The following PRRT3 variants were observed in gnomAD, a reference collection of about 807,000 sequenced individuals.
PRRT3 encodes proline rich transmembrane protein 3.
A neutral mutation model predicts 56.6 loss-of-function variants in PRRT3; 48 were observed. That is an observed-to-expected ratio of 0.85 (90% CI 0.67 to 1.08). The LOEUF is 1.08. Ranked by LOEUF, PRRT3 falls within the 50% of genes least tolerant of loss-of-function variation. PRRT3 has a pLI of 0.00. For synonymous variants in PRRT3, 641 were observed against 619.1 expected, an observed-to-expected ratio of 1.04 and a Z score of -0.52; for missense variants, 1,370 against 1,353.1, an observed-to-expected ratio of 1.01 and a Z score of -0.20.
intron 3 of PRRT3, 128 bp downstream of exon 3, chr3:9,948,629 TG>T: frequency 1.9e-6 from 2 of 1,058,336 alleles, no homozygotes; most frequent in Non-Finnish European, 2.8e-6. Flanking sequence ...AAGGAGGCCC[TG>T]GGCAACTCCT....
At position 9,946,327 on chromosome 3, in the gene PRRT3, T is replaced by G; in HGVS notation, c.2846A>C (p.Asp949Ala). The G allele has an allele frequency of 1.2e-6, 2 of 1,612,458 alleles. No homozygotes were observed. Among genetic ancestry groups the G allele is most frequent in the Non-Finnish European group, 1.7e-6 (2 of 1,179,710 alleles). The change falls in exon 4 of 4, where the codon GAT becomes GCT. Residue 949 changes from aspartate to alanine, a missense_variant. Transcript: ENST00000412055. This position sits in a 1 kb window ranked among gnomAD's most constrained non-coding sequence, Gnocchi z 4.1. ...QLLPAPTPAP[D>A]STAARQGDGQ... ...GTCCCCCTGCCGAGCGGCGGTAGAA[T>G]CAGGGGCTGGGGTCGGGGCAGGCAG...
chr3:9,949,700 T>G lies in PRRT3; in HGVS notation c.416A>C (p.Gln139Pro), dbSNP rs2085590980. The G allele has an allele frequency of 2.5e-6, 4 of 1,613,952 alleles. No homozygotes were observed. The highest frequency in any genetic ancestry group is 2.2e-5 in the East Asian group (1 of 44,882). Residue 139 changes from glutamine to proline, a missense_variant, in exon 2 of 4, where the codon CAA becomes CCA. Transcript: ENST00000412055. The surrounding 1 kb of genome is among the most constrained non-coding windows in gnomAD (Gnocchi z 4.5). ...CACTGGGTGGGGAGCCACTGCTTCT[T>G]GCTGCAGAAGCTCTTGTGAGTCCAG... ...GPLDSQELLQ[Q>P]EAVAPHPVGH...
Position 9,946,954 on chromosome 3 carries a change from G to A in PRRT3, c.2219C>T (p.Pro740Leu). Residue 740 changes from proline (P) to leucine (L), a missense_variant, in exon 4 of 4, where the codon CCC (proline) becomes CTC (leucine). By Grantham distance (98) the Pro-to-Leu change is moderately conservative (BLOSUM62 -3). Transcript: ENST00000412055. This position sits in a 1 kb window ranked among gnomAD's most constrained non-coding sequence, Gnocchi z 4.1. ...PERPNNCYAG[P>L]SNVGAGSLDI... ...CAAGCTGCCTGCACCAACGTTGCTG[G>A]GCCCTGCATAGCAGTTATTGGGTCG... The A allele has an allele frequency of 6.5e-7, 1 of 1,543,112 alleles. No homozygotes were observed. Among genetic ancestry groups the A allele is most frequent in the Non-Finnish European group, 8.7e-7 (1 of 1,149,372 alleles).
Position 9,949,111 on chromosome 3 carries a change from C to T in PRRT3, c.1005G>A (p.Pro335=), listed in dbSNP as rs777304061. 50 of 1,602,820 alleles carry T rather than the reference C, an allele frequency of 3.1e-5. No homozygotes were observed. The highest frequency in any genetic ancestry group is 1.9e-4 in the Middle Eastern group (1 of 5,294). The change falls in exon 2 of 4, where the codon CCG becomes CCA. Residue 335 remains proline, a synonymous_variant. Coordinates refer to ENST00000412055, the MANE Select transcript of PRRT3 (RefSeq NM_207351.5). This position sits in a 1 kb window ranked among gnomAD's most constrained non-coding sequence, Gnocchi z 4.5. ...DPPASEAPDR[P]SKPERAAMNG... The stretch of plus-strand genomic sequence containing the variant: ...CTCATTGATACCCACCTGGCTTAGA[C>T]GGCCGATCAGGAGCCTCTGAGGCGG...
Position 9,946,282 on chromosome 3 carries a change from G to T in PRRT3, c.2891C>A (p.Pro964Gln). 1.2e-6 allele frequency: 2 copies of T among 1,612,716 alleles called. No individual in the cohort carries two copies. Among genetic ancestry groups the T allele is most frequent in the Non-Finnish European group, 1.7e-6 (2 of 1,179,852 alleles). ...GCGGGATTCCCCAGGCTTGCCGCGCGGCTGGACCTCTCCCTGGCCGTCCCC... is the reference window on the plus strand; with the variant it reads ...GCGGGATTCCCCAGGCTTGCCGCGCTGCTGGACCTCTCCCTGGCCGTCCCC... Reference protein sequence around the residue: ...RQGDGQGEVQPRGKPGESRSA... With the variant: ...RQGDGQGEVQQRGKPGESRSA... Residue 964 changes from proline (P) to glutamine (Q), a missense_variant, in exon 4 of 4, where the codon CCG (proline) becomes CAG (glutamine). Transcript: ENST00000412055. The surrounding 1 kb of genome is among the most constrained non-coding windows in gnomAD (Gnocchi z 4.1).
rs1202713765 is a variant in PRRT3, at chr3:9,946,934, T to C, written c.2239A>G (p.Ser747Gly). The C allele has an allele frequency of 3.2e-6, 5 of 1,541,592 alleles. No individual in the cohort carries two copies. Among genetic ancestry groups the C allele is most frequent in the Non-Finnish European group, 4.4e-6 (5 of 1,148,976 alleles). The change falls in exon 4 of 4, where the codon AGC becomes GGC. Residue 747 changes from serine to glycine, a missense_variant. Coordinates refer to ENST00000412055, the MANE Select transcript of PRRT3 (RefSeq NM_207351.5). The surrounding 1 kb of genome is among the most constrained non-coding windows in gnomAD (Gnocchi z 4.1). The part of the protein sequence containing the change: ...YAGPSNVGAG[S>G]LDISKSLIRN... ...ATGAGGCTCTTGCTGATGTCCAAGC[T>C]GCCTGCACCAACGTTGCTGGGCCCT...
In PRRT3 at chr3:9,950,175, A is replaced by T. The variant is rs1044728524; in HGVS notation, c.-57-3T>A. Reference sequence around the variant, plus strand: ...CTTCCAGTCCTCACTGGATGAGCCTAAAAAAAAAACAGGGCATGGAATGAC... The same window carrying T: ...CTTCCAGTCCTCACTGGATGAGCCTTAAAAAAAAACAGGGCATGGAATGAC... On this transcript the variant is annotated splice_polypyrimidine_tract_variant and splice_region_variant and intron_variant, in intron 1 of 3. Coordinates refer to ENST00000412055, the MANE Select transcript of PRRT3 (RefSeq NM_207351.5). 4.1e-5 allele frequency: 43 copies of T among 1,041,104 alleles called. No individual in the cohort carries two copies. Among genetic ancestry groups the T allele is most frequent in the African/African-American group, 3.5e-5 (2 of 56,440 alleles). The allele number at this position is 1,041,104 out of a possible 1,614,324, so 64.5% of individuals were successfully genotyped here.
rs755258517 is a variant in PRRT3, at chr3:9,949,139, G to A, written c.977C>T (p.Pro326Leu). The change falls in exon 2 of 4, where the codon CCA becomes CTA. Residue 326 changes from proline (P) to leucine (L), a missense_variant. Transcript: ENST00000412055. This position sits in a 1 kb window ranked among gnomAD's most constrained non-coding sequence, Gnocchi z 4.5. The part of the protein sequence containing the change: ...KDSPGPQPTD[P>L]PASEAPDRPS... ...CCGATCAGGAGCCTCTGAGGCGGGT[G>A]GATCCGTGGGCTGGGGTCCTGGTGA... 2 of 1,611,118 alleles carry A rather than the reference G, an allele frequency of 1.2e-6. No individual in the cohort carries two copies. Among genetic ancestry groups the A allele is most frequent in the Non-Finnish European group, 1.7e-6 (2 of 1,179,132 alleles).
chr3:9,950,174 TAA>T lies in PRRT3; in HGVS notation c.-57-4_-57-3del, dbSNP rs377564516. ...CCTTCCAGTCCTCACTGGATGAGCC[TAA>T]AAAAAAAACAGGGCATGGAATGACA... On this transcript the variant is annotated splice_polypyrimidine_tract_variant and splice_region_variant and intron_variant, in intron 1 of 3. Transcript: ENST00000412055. 3 of 1,093,720 alleles carry T rather than the reference TAA, an allele frequency of 2.7e-6. No homozygotes were observed. The highest frequency in any genetic ancestry group is 3.5e-5 in the East Asian group (1 of 28,648). The allele number at this position is 1,093,720 out of a possible 1,614,324, so 67.8% of individuals were successfully genotyped here.
At position 9,946,528 on chromosome 3, in the gene PRRT3, C is replaced by CCGCGCA. The variant is rs567242286; in HGVS notation, c.2639_2644dup (p.Val880_Arg881dup). 2.2e-4 allele frequency: 321 copies of CCGCGCA among 1,477,808 alleles called. 2 individuals are homozygous for CCGCGCA. The East Asian group carries it at 5.9e-3, about 27-fold the overall frequency. The allele number at this position is 1,477,808 out of a possible 1,614,324, so 91.5% of individuals were successfully genotyped here. A position where few individuals can be genotyped will look rare whatever the true frequency, so the allele number is the denominator to read the frequency against. On this transcript the variant is annotated inframe_insertion, in exon 4 of 4. Transcript: ENST00000412055. This position sits in a 1 kb window ranked among gnomAD's most constrained non-coding sequence, Gnocchi z 4.1. ...TTCCACTACGTGCTGTGGGACCGGCCCGCGCACGCGCACGTCGCTGAGCGA... is the reference window on the plus strand; with the variant it reads ...TTCCACTACGTGCTGTGGGACCGGCCCGCGCACGCGCACGCGCACGTCGCTGAGCGA...
In PRRT3 at chr3:9,950,160, T is replaced by G; in HGVS notation, c.-45A>C. 7.5e-7 allele frequency: 1 copy of G among 1,337,116 alleles called. No individual in the cohort carries two copies. The highest frequency in any genetic ancestry group is 2.6e-5 in the South Asian group (1 of 38,866). The allele number at this position is 1,337,116 out of a possible 1,614,324, so 82.8% of individuals were successfully genotyped here. On this transcript the variant is annotated 5_prime_UTR_variant, in exon 2 of 4. Transcript: ENST00000412055. Reference sequence around the variant, plus strand: ...GCCTAAAGCCCCCACCTTCCAGTCCTCACTGGATGAGCCTAAAAAAAAAAC... The same window carrying G: ...GCCTAAAGCCCCCACCTTCCAGTCCGCACTGGATGAGCCTAAAAAAAAAAC...
Position 9,946,333 on chromosome 3 carries a change from G to A in PRRT3, c.2840C>T (p.Ala947Val). 5.0e-6 allele frequency: 8 copies of A among 1,612,416 alleles called. No homozygotes were observed. The highest frequency in any genetic ancestry group is 6.8e-6 in the Non-Finnish European group (8 of 1,179,682). Residue 947 changes from alanine to valine, a missense_variant, in exon 4 of 4, where the codon GCC (alanine) becomes GTC (valine). Ala to Val is a moderately conservative substitution (Grantham distance 64). Coordinates refer to ENST00000412055, the MANE Select transcript of PRRT3 (RefSeq NM_207351.5). This position sits in a 1 kb window ranked among gnomAD's most constrained non-coding sequence, Gnocchi z 4.1. ...CTGCCGAGCGGCGGTAGAATCAGGG[G>A]CTGGGGTCGGGGCAGGCAGTAGCTG... Reference protein sequence around the residue: ...TVQLLPAPTPAPDSTAARQGD... With the variant: ...TVQLLPAPTPVPDSTAARQGD...
chr3:9,949,437 CCT>C lies in PRRT3; in HGVS notation c.677_678del (p.Gln226ArgfsTer4), dbSNP rs1559344073. 1.2e-6 allele frequency: 2 copies of C among 1,614,116 alleles called. No individual in the cohort carries two copies. Among genetic ancestry groups the C allele is most frequent in the South Asian group, 1.1e-5 (1 of 91,082 alleles). ...TCCTGCAAGTGTTCCTCAAACCCAC[CCT>C]GTCCTTCCAGCACTGGCCTCTTGAC... ...GTVKRPVLEG[Q>X]GGFEEHLQEA... On this transcript the variant is annotated frameshift_variant, in exon 2 of 4. Transcript: ENST00000412055. LOFTEE classifies it high-confidence loss of function. The surrounding 1 kb of genome is among the most constrained non-coding windows in gnomAD (Gnocchi z 4.5).
rs1384186700 is a variant in PRRT3, at chr3:9,946,827, G to C, written c.2346C>G (p.Pro782=). Residue 782 remains proline, a synonymous_variant, in exon 4 of 4, where the codon CCC becomes CCG. Transcript: ENST00000412055. This position sits in a 1 kb window ranked among gnomAD's most constrained non-coding sequence, Gnocchi z 4.1. ...WGSAASLGRG[P]QGGPGLSRNG... Reference sequence around the variant, plus strand: ...TGCGGGACAGTCCCGGGCCACCCTGGGGTCCGCGACCCAACGACGCAGCCG... The same window carrying C: ...TGCGGGACAGTCCCGGGCCACCCTGCGGTCCGCGACCCAACGACGCAGCCG... The C allele has an allele frequency of 6.5e-7, 1 of 1,542,320 alleles. No homozygotes were observed. Among genetic ancestry groups the C allele is most frequent in the Non-Finnish European group, 8.7e-7 (1 of 1,150,468 alleles).
Position 9,949,969 on chromosome 3 carries a change from G to A in PRRT3, c.147C>T (p.Gly49=). 6.4e-7 allele frequency: 1 copy of A among 1,567,848 alleles called. No individual in the cohort carries two copies. The highest frequency in any genetic ancestry group is 1.7e-4 in the Middle Eastern group (1 of 5,808). The change falls in exon 2 of 4, where the codon GGC becomes GGT. Residue 49 remains glycine (G), a synonymous_variant. Transcript: ENST00000412055. The surrounding 1 kb of genome is among the most constrained non-coding windows in gnomAD (Gnocchi z 4.5). ...IPMIPGAHPK[G]SVGSEPQAFD... is the part of the protein sequence containing the mutation. ...AGGCCTGGGGCTCTGAGCCCACAGA[G>A]CCCTTGGGGTGGGCTCCAGGGATCA...
chr3:9,950,125 C>G lies in PRRT3; in HGVS notation c.-10G>C, dbSNP rs200293113. ...ATGGGCTGGAGGCCATGGTCTACTCCGATGCCTGGGCCTAAAGCCCCCACC... is the reference window on the plus strand; with the variant it reads ...ATGGGCTGGAGGCCATGGTCTACTCGGATGCCTGGGCCTAAAGCCCCCACC... On this transcript the variant is annotated 5_prime_UTR_variant, in exon 2 of 4. Transcript: ENST00000412055. 2 of 1,429,154 alleles carry G rather than the reference C, an allele frequency of 1.4e-6. No individual in the cohort carries two copies. Among genetic ancestry groups the G allele is most frequent in the Non-Finnish European group, 1.8e-6 (2 of 1,088,200 alleles). 88.5% of individuals were successfully genotyped at this position (1,429,154 alleles called of 1,614,324 possible). A position where few individuals can be genotyped will look rare whatever the true frequency, so the allele number is the denominator to read the frequency against.
Position 9,947,604 on chromosome 3 carries a change from G to A in PRRT3, c.1569C>T (p.Thr523=), listed in dbSNP as rs778052325. 7.5e-6 allele frequency: 12 copies of A among 1,600,826 alleles called. No individual in the cohort carries two copies. The highest frequency in any genetic ancestry group is 9.4e-6 in the Non-Finnish European group (11 of 1,173,888). Residue 523 remains threonine, a synonymous_variant, in exon 4 of 4, where the codon ACC becomes ACT. Coordinates refer to ENST00000412055, the MANE Select transcript of PRRT3 (RefSeq NM_207351.5). The surrounding 1 kb of genome is among the most constrained non-coding windows in gnomAD (Gnocchi z 9.2). ...GCCGCGCCTGCGAGCCGTAAGGGTC[G>A]GTAAGCATGTAGGCGGATCGCAGCG... ...ASALRSAYML[T]DPYGSQARLG...
In PRRT3 at chr3:9,948,763, T is replaced by G. The variant is rs2085570327; in HGVS notation, c.1166A>C (p.Gln389Pro). 1 of 1,613,854 alleles carries G rather than the reference T, an allele frequency of 6.2e-7. No individual in the cohort carries two copies. The highest frequency in any genetic ancestry group is 8.5e-7 in the Non-Finnish European group (1 of 1,179,982). The change falls in exon 3 of 4, where the codon CAG (glutamine) becomes CCG (proline). Residue 389 changes from glutamine to proline, a missense_variant. Physicochemically the swap from Gln to Pro is moderately conservative, Grantham distance 76. Transcript: ENST00000412055. ...CACCCCAGCCATGCTCTCACCTGGC[T>G]GCAGGGCCCCCATGGGGCTCTCTGT... is the stretch of plus-strand genomic sequence containing the variant. Reference protein sequence around the residue: ...NRTESPMGALQPDEAEEWPGR... With the variant: ...NRTESPMGALPPDEAEEWPGR...
Position 9,947,374 on chromosome 3 carries a change from A to T in PRRT3, c.1799T>A (p.Leu600Gln). 6.2e-7 allele frequency: 1 copy of T among 1,611,936 alleles called. No individual in the cohort carries two copies. Among genetic ancestry groups the T allele is most frequent in the Non-Finnish European group, 8.5e-7 (1 of 1,179,448 alleles). The change falls in exon 4 of 4, where the codon CTG becomes CAG. Residue 600 changes from leucine (L) to glutamine (Q), a missense_variant. Coordinates refer to ENST00000412055, the MANE Select transcript of PRRT3 (RefSeq NM_207351.5). This position sits in a 1 kb window ranked among gnomAD's most constrained non-coding sequence, Gnocchi z 9.2. ...LLSTWSVLNL[L>Q]TQGLSCAWGA... ...CCAGGCGCACGACAAGCCCTGCGTC[A>T]GGAGGTTGAGCACAGACCATGTGGA... is the stretch of plus-strand genomic sequence containing the variant.
Sources: gnomAD v4.1 joint callset for allele counts on GRCh38, gnomAD v4.1.1 for gene constraint, Gnocchi (gnomAD v3.1) non-coding constraint, MANE v1.5 for transcripts, NCBI Gene and HGNC (gene_info 2026-07-23, HGNC 2026-07-21) for gene names.